Variants in FHIT observed in about 807,000 individuals in gnomAD.
FHIT encodes fragile histidine triad diadenosine triphosphatase.
A neutral mutation model predicts 17.9 loss-of-function variants in FHIT; 19 were observed. That is an observed-to-expected ratio of 1.06 (90% CI 0.74 to 1.56). FHIT has a LOEUF of 1.56. FHIT is among the 40% of genes most tolerant of loss of function. FHIT has a pLI of 0.00. For missense variants in FHIT, 248 were observed against 189.2 expected, an observed-to-expected ratio of 1.31 and a Z score of -1.82; for synonymous variants, 81 against 69.7, an observed-to-expected ratio of 1.16 and a Z score of -0.81.
chr3:61,184,088 T>C (rs2038429286), intron 2 of FHIT, among the ~76,000 whole-genome samples: 1 of 152,058 alleles, frequency 6.6e-6, no homozygotes, highest in Non-Finnish European at 1.5e-5. Flanking sequence ...ATCTGGGACC[T>C]GATGCCTATA....
chr3:60,066,310 G>A (rs986454465), intron 5 of FHIT, among the ~76,000 whole-genome samples: 1 of 152,102 alleles, frequency 6.6e-6, no homozygotes, highest in Non-Finnish European at 1.5e-5. Flanking sequence ...ATTTCCCAAC[G>A]ATATCTAAGA....
In FHIT at chr3:59,747,580, G is replaced by T. The variant is rs531486385; in HGVS notation, c.*2005C>A. 6.6e-6 allele frequency among the ~76,000 whole-genome samples: 1 copy of T among 152,212 alleles called. No individual in the cohort carries two copies. Among genetic ancestry groups the T allele is most frequent in the Non-Finnish European group, 1.5e-5 (1 of 68,016 alleles). On this transcript the variant is annotated 3_prime_UTR_variant, in exon 10 of 10. Transcript: ENST00000492590. ...ATGTCCACCCCAAACATTAAGTCAA[G>T]AACATCTTTTTGGTCTTATAGTCTT...
At chr3:60,638,673 G>A (rs893795172) in intron 4 of FHIT, among the ~76,000 whole-genome samples, 2 of 151,950 alleles carry the variant, frequency 1.3e-5, no homozygotes, top group African/African-American at 2.4e-5. Flanking sequence ...ATGGTGTGAT[G>A]CTCCCTATGA....
intron 4 of FHIT, among the ~76,000 whole-genome samples, chr3:60,702,245 G>C (rs544585936): frequency 6.6e-6 from 1 of 152,100 alleles, no homozygotes; most frequent in South Asian, 2.1e-4. Context: ...AAATGTTCTC[G>C]TGGCTAACAA....
At position 60,536,975 on chromosome 3, in the gene FHIT, G is replaced by C; in HGVS notation, c.-13C>G. ...ATCTGAACGACATGTCCTCACAGTTGAAGTCTAAAAGAAAAGACAATGGAT... is the reference window on the plus strand; with the variant it reads ...ATCTGAACGACATGTCCTCACAGTTCAAGTCTAAAAGAAAAGACAATGGAT... On this transcript the variant is annotated 5_prime_UTR_variant, in exon 5 of 10. Transcript: ENST00000492590. 1 of 1,599,746 alleles carries C rather than the reference G, an allele frequency of 6.3e-7. No individual in the cohort carries two copies. The highest frequency in any genetic ancestry group is 8.5e-7 in the Non-Finnish European group (1 of 1,175,330).
intron 5 of FHIT, among the ~76,000 whole-genome samples, chr3:60,260,923 C>A (rs969034954): frequency 6.6e-6 from 1 of 151,992 alleles, no homozygotes; most frequent in Non-Finnish European, 1.5e-5. Context: ...TGACAGTTTA[C>A]AAATGCCATG....
intron 7 of FHIT, among the ~76,000 whole-genome samples, chr3:59,931,019 A>C (rs553984822): frequency 6.6e-6 from 1 of 152,184 alleles, no homozygotes; most frequent in African/African-American, 2.4e-5. Flanking sequence ...AACTTCTTTC[A>C]TATTCCCTCA....
At chr3:59,799,156 A>C (rs960686686) in intron 8 of FHIT, among the ~76,000 whole-genome samples, 2 of 152,212 alleles carry the variant, frequency 1.3e-5, no homozygotes, top group Non-Finnish European at 2.9e-5. Context: ...TACCATTCTT[A>C]GTAGAATAAA....
At chr3:60,540,446 A>G (rs1398607939) in intron 4 of FHIT, among the ~76,000 whole-genome samples, 1 of 152,214 alleles carries the variant, frequency 6.6e-6, no homozygotes, top group East Asian at 1.9e-4. Flanking sequence ...GTCAGGTGAC[A>G]GTCTCATGGC....
intron 5 of FHIT, among the ~76,000 whole-genome samples, chr3:60,293,997 T>G (rs1708097120): frequency 6.6e-6 from 1 of 152,136 alleles, no homozygotes; most frequent in South Asian, 2.1e-4. Context: ...AAAAGCAATC[T>G]CAGCAATATA....
chr3:60,091,701 T>A (rs1346224192), intron 5 of FHIT, among the ~76,000 whole-genome samples: 1 of 152,116 alleles, frequency 6.6e-6, no homozygotes, highest in Non-Finnish European at 1.5e-5. Context: ...GCTGTTCTCA[T>A]GATAGTAAGT....
intron 4 of FHIT, among the ~76,000 whole-genome samples, chr3:60,655,036 A>G (rs2040082716): frequency 6.6e-6 from 1 of 152,194 alleles, no homozygotes; most frequent in Non-Finnish European, 1.5e-5. Context: ...CAAGCCCAAT[A>G]GAAGTTGAGA....
chr3:61,214,981 TG>T (rs1286755657), intron 1 of FHIT, among the ~76,000 whole-genome samples: 1 of 151,558 alleles, frequency 6.6e-6, no homozygotes, highest in East Asian at 1.9e-4. Flanking sequence ...AAACTCTCAA[TG>T]AATTAGGTAT....
At chr3:60,356,726 G>T (rs1343300117) in intron 5 of FHIT, among the ~76,000 whole-genome samples, 9 of 87,914 alleles carry the variant, frequency 1.0e-4, no homozygotes, top group African/African-American at 4.3e-4. Context: ...AAACAAAATG[G>T]GCTATTATAT....
chr3:60,571,024 G>C (rs1365012407), intron 4 of FHIT, among the ~76,000 whole-genome samples: 2 of 151,970 alleles, frequency 1.3e-5, no homozygotes, highest in Admixed American at 6.6e-5. Context: ...ACCACAAGCT[G>C]TTATTAGGAA....
chr3:60,419,205 T>G (rs1210061506), intron 5 of FHIT, among the ~76,000 whole-genome samples: 2 of 152,190 alleles, frequency 1.3e-5, no homozygotes, highest in African/African-American at 2.4e-5. Flanking sequence ...GTTTTCTCAT[T>G]TGCACAACAG....
Position 60,107,628 on chromosome 3 carries a change from G to A in FHIT, c.104-93476C>T, listed in dbSNP as rs1182127088. ...TCACTAAATATATATACATAAGTTT[G>A]TTGGCTACTTCCAACTGGACAGGCT... On this transcript the variant is annotated intron_variant, in intron 5 of 9. Coordinates refer to ENST00000492590, the MANE Select transcript of FHIT (RefSeq NM_002012.4). Among the ~76,000 whole-genome samples the A allele has an allele frequency of 4.6e-5, 7 of 152,180 alleles. No homozygotes were observed. In the East Asian group the frequency reaches 1.4e-3, roughly 30 times the overall value.
chr3:60,075,691 T>C (rs1702975638), intron 5 of FHIT, among the ~76,000 whole-genome samples: 1 of 152,050 alleles, frequency 6.6e-6, no homozygotes, highest in African/African-American at 2.4e-5. Context: ...AGATCCTGTT[T>C]GTTTACCATG....
intron 8 of FHIT, among the ~76,000 whole-genome samples, chr3:59,889,323 T>C (rs7622148): frequency 0.082 from 12,424 of 152,272 alleles, 591 homozygotes; most frequent in African/African-American, 0.13. Context: ...AAGGTTCTGG[T>C]GATAATAGGG....
Sources: gnomAD v4.1 joint callset for allele counts (sites outside exome capture counted in the v4.1 genomes callset) on GRCh38, gnomAD v4.1.1 for gene constraint, MANE v1.5 for transcripts, NCBI Gene and HGNC (gene_info 2026-07-23, HGNC 2026-07-21) for gene names.